IQCM: variants seen among roughly 807,000 people sequenced by gnomAD.
The protein encoded by IQCM is IQ domain-containing protein M.
Under a neutral mutation model 57.6 loss-of-function variants are expected in IQCM, and 45 were observed. The ratio of observed to expected loss-of-function variants is 0.78; its 90% CI spans 0.62 to 1.00. The LOEUF (loss-of-function observed/expected upper bound fraction) is 1.00. Among genes scored for constraint, IQCM ranks in the 50% least tolerant of loss-of-function variants. The probability of loss-of-function intolerance (pLI) is 0.00; values close to 1 mark genes in which losing one functional copy is unlikely to be tolerated. For missense variants in IQCM, 468 were observed against 511.6 expected, an observed-to-expected ratio of 0.91 and a Z score of 0.82; for synonymous variants, 148 against 158.9, an observed-to-expected ratio of 0.93 and a Z score of 0.51.
chr4:149,528,653 A>C (rs1391074821), intron 12 of IQCM, among the ~76,000 whole-genome samples: 1 of 152,174 alleles, frequency 6.6e-6, no homozygotes, highest in Non-Finnish European at 1.5e-5. Context: ...GAACATGGCA[A>C]TGAGGATTCT....
chr4:149,801,337 C>A (rs1297381189), intron 2 of IQCM, among the ~76,000 whole-genome samples: 1 of 151,876 alleles, frequency 6.6e-6, no homozygotes, highest in African/African-American at 2.4e-5. Flanking sequence ...TTGGAGGTTC[C>A]TCAAAAACAC....
intron 7 of IQCM, among the ~76,000 whole-genome samples, chr4:149,659,810 C>G (rs1466458386): frequency 6.6e-6 from 1 of 151,588 alleles, no homozygotes; most frequent in African/African-American, 2.4e-5. Flanking sequence ...CCCTTCCTTA[C>G]ACCTGATACA....
intron 12 of IQCM, among the ~76,000 whole-genome samples, chr4:149,486,325 T>C (rs528214109): frequency 6.6e-6 from 1 of 152,200 alleles, no homozygotes; most frequent in South Asian, 2.1e-4. Flanking sequence ...TTCTATTGTA[T>C]TGTGGCTAAG....
At chr4:149,404,261 CAAATCAACATAGA>C (rs1327431893) in intron 13 of IQCM, among the ~76,000 whole-genome samples, 1 of 151,994 alleles carries the variant, frequency 6.6e-6, no homozygotes, top group Non-Finnish European at 1.5e-5. Context: ...CTTTATCAGA[CAAATCAACATAGA>C]AAATCAATCA....
intron 13 of IQCM, among the ~76,000 whole-genome samples, chr4:149,387,797 A>G (rs1731529476): frequency 6.6e-6 from 1 of 151,920 alleles, no homozygotes; most frequent in Non-Finnish European, 1.5e-5. Flanking sequence ...TAACATTTTC[A>G]ACACCCACCC....
Position 149,813,521 on chromosome 4 carries a change from C to T in IQCM, c.-49+1790G>A, listed in dbSNP as rs185032514. On this transcript the variant is annotated intron_variant, in intron 2 of 13. Transcript: ENST00000636793. ...GAATTAACTAGTTACACAACAGATA[C>T]CCCCAAATGCTCAGCAACTAGCAGT... 1.1e-4 allele frequency among the ~76,000 whole-genome samples: 16 copies of T among 152,054 alleles called. No individual in the cohort carries two copies. In the East Asian group the frequency reaches 2.9e-3, roughly 28 times the overall value.
chr4:149,469,620 G>T (rs1454428967), intron 12 of IQCM, among the ~76,000 whole-genome samples: 1 of 152,118 alleles, frequency 6.6e-6, no homozygotes, highest in Non-Finnish European at 1.5e-5. Context: ...GAAACACAGA[G>T]AATGCCACAA....
chr4:149,676,695 A>T lies in IQCM; in HGVS notation c.565+5423T>A, dbSNP rs147821630. 1.2e-4 allele frequency among the ~76,000 whole-genome samples: 19 copies of T among 152,184 alleles called. No homozygotes were observed. The East Asian group carries it at 1.9e-3, about 16-fold the overall frequency. On this transcript the variant is annotated intron_variant, in intron 7 of 13. Coordinates refer to ENST00000636793, the MANE Select transcript of IQCM (RefSeq NM_001363507.2). ...ACTATACCATACTGCTTTAAAAGGC[A>T]AGGCTTCAAAAGGAAATAGATAGAT...
intron 12 of IQCM, among the ~76,000 whole-genome samples, chr4:149,503,949 A>C (rs1743523248): frequency 1.3e-5 from 2 of 152,302 alleles, no homozygotes; most frequent in East Asian, 3.9e-4. Context: ...TTAAGAAAAA[A>C]AGACAATCAC....
intron 13 of IQCM, among the ~76,000 whole-genome samples, chr4:149,383,713 G>A (rs1731229986): frequency 6.6e-6 from 1 of 152,062 alleles, no homozygotes; most frequent in Non-Finnish European, 1.5e-5. Flanking sequence ...CAGCACTTTG[G>A]GAGGCTGAGG....
At chr4:149,395,432 A>G (rs763437232) in intron 13 of IQCM, among the ~76,000 whole-genome samples, 1 of 152,068 alleles carries the variant, frequency 6.6e-6, no homozygotes, top group Non-Finnish European at 1.5e-5. Context: ...TAATAGACTC[A>G]GGTCCAATTA....
At chr4:149,372,043 T>G (rs960726274) in intron 13 of IQCM, among the ~76,000 whole-genome samples, 1 of 152,168 alleles carries the variant, frequency 6.6e-6, no homozygotes, top group African/African-American at 2.4e-5. Context: ...GATAAGTACT[T>G]TAATTATCCC....
chr4:149,628,535 G>T (rs939190380), intron 7 of IQCM, among the ~76,000 whole-genome samples: 8 of 152,004 alleles, frequency 5.3e-5, no homozygotes, highest in African/African-American at 1.7e-4. Flanking sequence ...TAAGAGAGAA[G>T]ATTATAGATT....
intron 2 of IQCM, among the ~76,000 whole-genome samples, chr4:149,800,708 T>C (rs1773528378): frequency 6.6e-6 from 1 of 151,718 alleles, no homozygotes; most frequent in Admixed American, 6.6e-5. Flanking sequence ...CAGAGAGCAA[T>C]ATGAAAAATG....
At chr4:149,543,916 T>C (rs1748120646) in intron 12 of IQCM, among the ~76,000 whole-genome samples, 1 of 152,086 alleles carries the variant, frequency 6.6e-6, no homozygotes, top group South Asian at 2.1e-4. Context: ...TGAACAAATA[T>C]TTATCAAAGT....
intron 2 of IQCM, among the ~76,000 whole-genome samples, chr4:149,774,498 T>C (rs1770888557): frequency 6.6e-6 from 1 of 151,772 alleles, no homozygotes; most frequent in Non-Finnish European, 1.5e-5. Context: ...CATGGTGCCC[T>C]GCATTTGCAT....
At chr4:149,494,540 CA>C (rs1218323730) in intron 12 of IQCM, among the ~76,000 whole-genome samples, 1 of 152,116 alleles carries the variant, frequency 6.6e-6, no homozygotes, top group African/African-American at 2.4e-5. Flanking sequence ...AGCAAGAACT[CA>C]AGGCACTTGG....
chr4:149,633,999 CTTTT>C (rs756035472), intron 7 of IQCM, among the ~76,000 whole-genome samples: 2 of 151,818 alleles, frequency 1.3e-5, no homozygotes, highest in African/African-American at 4.8e-5. Flanking sequence ...TTTTCTTTTT[CTTTT>C]TTTTCTTTTA....
At chr4:149,575,225 A>G (rs953305655) in intron 9 of IQCM, among the ~76,000 whole-genome samples, 1 of 151,936 alleles carries the variant, frequency 6.6e-6, no homozygotes, top group South Asian at 2.1e-4. Flanking sequence ...TTTGTGGCCT[A>G]CTTTAAACCC....
Sources: allele counts gnomAD v4.1 joint callset (sites outside exome capture counted in the v4.1 genomes callset), GRCh38; gene constraint gnomAD v4.1.1; transcripts MANE v1.5; gene names NCBI Gene and HGNC (gene_info 2026-07-23, HGNC 2026-07-21).